GRXCR1: variants seen among roughly 807,000 people sequenced by gnomAD.
GRXCR1 encodes the protein glutaredoxin and cysteine rich domain containing 1.
GRXCR1 carries 27 observed loss-of-function variants against 27.3 expected under a neutral mutation model. That is an observed-to-expected ratio of 0.99 (90% CI 0.73 to 1.37). The LOEUF (loss-of-function observed/expected upper bound fraction) is 1.37, where lower values mean the gene tolerates loss of function less well. Among genes scored for constraint, GRXCR1 ranks in the 40% most tolerant of loss-of-function variants. GRXCR1 has a pLI of 0.00. For synonymous variants in GRXCR1, 122 were observed against 131.1 expected, an observed-to-expected ratio of 0.93 and a Z score of 0.47; for missense variants, 379 against 354.4, an observed-to-expected ratio of 1.07 and a Z score of -0.56.
At chr4:42,978,472 A>G (rs1214542572) in intron 2 of GRXCR1, among the ~76,000 whole-genome samples, 1 of 151,674 alleles carries the variant, frequency 6.6e-6, no homozygotes, top group Non-Finnish European at 1.5e-5. Context: ...GTTTTCTTCA[A>G]TTTCTTTTGT....
chr4:43,002,273 A>G (rs1195099094), intron 2 of GRXCR1, among the ~76,000 whole-genome samples: 3 of 152,298 alleles, frequency 2.0e-5, no homozygotes, highest in African/African-American at 4.8e-5. Context: ...ATTTCAGACT[A>G]TCACATGGGG....
intron 1 of GRXCR1, among the ~76,000 whole-genome samples, chr4:42,902,330 G>A (rs1746479562): frequency 6.6e-6 from 1 of 152,146 alleles, no homozygotes; most frequent in Admixed American, 6.6e-5. Flanking sequence ...TTGTGATGCA[G>A]AACACATCAG....
At chr4:42,986,894 A>C (rs1369103179) in intron 2 of GRXCR1, among the ~76,000 whole-genome samples, 2 of 151,860 alleles carry the variant, frequency 1.3e-5, no homozygotes, top group Admixed American at 6.6e-5. Context: ...GAAGAAGCCA[A>C]ACAGTCACCG....
chr4:42,897,468 G>T (rs1296681573), intron 1 of GRXCR1, among the ~76,000 whole-genome samples: 1 of 151,892 alleles, frequency 6.6e-6, no homozygotes, highest in Non-Finnish European at 1.5e-5. Context: ...CTATAATTTG[G>T]CATTTCCTTT....
chr4:42,897,518 T>C (rs900348175), intron 1 of GRXCR1, among the ~76,000 whole-genome samples: 4 of 152,150 alleles, frequency 2.6e-5, no homozygotes, highest in Non-Finnish European at 5.9e-5. Context: ...CGTCTATGTA[T>C]GTACATGGAT....
intron 2 of GRXCR1, among the ~76,000 whole-genome samples, chr4:42,978,601 T>A (rs1032439514): frequency 6.6e-6 from 1 of 152,102 alleles, no homozygotes; most frequent in Non-Finnish European, 1.5e-5. Context: ...TAAGATAGTT[T>A]AGTGTTAATA....
chr4:43,025,130 A>C (rs1713213110), intron 3 of GRXCR1, among the ~76,000 whole-genome samples: 1 of 152,156 alleles, frequency 6.6e-6, no homozygotes, highest in Non-Finnish European at 1.5e-5. Flanking sequence ...TTGAAACTCA[A>C]ATTTCCTTTG....
At chr4:42,990,636 A>G (rs1711942491) in intron 2 of GRXCR1, among the ~76,000 whole-genome samples, 2 of 151,984 alleles carry the variant, frequency 1.3e-5, no homozygotes, top group Admixed American at 6.6e-5. Flanking sequence ...GATTTTATCA[A>G]TTTCCAAGAA....
At chr4:42,960,060 G>T (rs986276189) in intron 1 of GRXCR1, among the ~76,000 whole-genome samples, 6 of 151,902 alleles carry the variant, frequency 3.9e-5, no homozygotes, top group Admixed American at 1.3e-4. Context: ...TTAGTATTTT[G>T]AAAATGCATG....
chr4:42,919,231 C>A (rs771152576), intron 1 of GRXCR1, among the ~76,000 whole-genome samples: 3 of 152,064 alleles, frequency 2.0e-5, no homozygotes, highest in Non-Finnish European at 4.4e-5. Context: ...GACAGTCATG[C>A]CTTTCAGTTC....
intron 1 of GRXCR1, among the ~76,000 whole-genome samples, chr4:42,912,275 A>C (rs575244777): frequency 1.3e-5 from 2 of 152,214 alleles, no homozygotes; most frequent in African/African-American, 2.4e-5. Flanking sequence ...AAACCACTGC[A>C]TGTTTATTTA....
intron 1 of GRXCR1, among the ~76,000 whole-genome samples, chr4:42,939,267 T>A (rs914154474): frequency 2.0e-5 from 3 of 152,100 alleles, no homozygotes; most frequent in Non-Finnish European, 1.5e-5. Flanking sequence ...TTGTAGCTAT[T>A]GTAAATGATA....
chr4:42,953,989 A>G (rs1747941772), intron 1 of GRXCR1, among the ~76,000 whole-genome samples: 1 of 152,084 alleles, frequency 6.6e-6, no homozygotes, highest in African/African-American at 2.4e-5. Flanking sequence ...TCCGGTTACT[A>G]AGGGGGAAAT....
chr4:42,961,047 G>C (rs1234581283), intron 1 of GRXCR1, among the ~76,000 whole-genome samples: 2 of 151,684 alleles, frequency 1.3e-5, no homozygotes. Flanking sequence ...TCTCTTCCCT[G>C]TGTCCACATC....
chr4:42,927,489 AC>A (rs1334015761), intron 1 of GRXCR1, among the ~76,000 whole-genome samples: 1 of 152,016 alleles, frequency 6.6e-6, no homozygotes, highest in African/African-American at 2.4e-5. Context: ...ACAGATTTTT[AC>A]GAAATGTTTA....
At chr4:43,018,768 A>C (rs1264322573) in intron 2 of GRXCR1, among the ~76,000 whole-genome samples, 1 of 152,208 alleles carries the variant, frequency 6.6e-6, no homozygotes, top group Non-Finnish European at 1.5e-5. Context: ...CTATCTCTTA[A>C]AAGAAATAGA....
In GRXCR1 at chr4:42,962,895, C is replaced by A. The variant is rs772869375; in HGVS notation, c.388C>A (p.Pro130Thr). 3.7e-6 allele frequency: 6 copies of A among 1,612,430 alleles called. No individual in the cohort carries two copies. Among genetic ancestry groups the A allele is most frequent in the Admixed American group, 3.3e-5 (2 of 59,864 alleles). Residue 130 changes from proline (P) to threonine (T), a missense_variant, in exon 2 of 4, where the codon CCA (proline) becomes ACA (threonine). Transcript: ENST00000399770. ...FNNLTKVLQQ[P>T]STDLEFDRVV... ...CAACTCAATGTTTTCCCTTCAGCAA[C>A]CATCAACTGATCTAGAATTTGACCG...
chr4:43,000,278 G>A (rs559567288), intron 2 of GRXCR1, among the ~76,000 whole-genome samples: 14 of 152,128 alleles, frequency 9.2e-5, no homozygotes, highest in Non-Finnish European at 1.5e-4. Flanking sequence ...AGGAGATTGA[G>A]ACCATCCTGG....
intron 1 of GRXCR1, among the ~76,000 whole-genome samples, chr4:42,907,866 G>A (rs902182041): frequency 2.6e-5 from 4 of 152,154 alleles, no homozygotes; most frequent in African/African-American, 9.7e-5. Flanking sequence ...GCCTAACATT[G>A]CAGAGAAAAT....
Sources: allele counts gnomAD v4.1 joint callset (sites outside exome capture counted in the v4.1 genomes callset), GRCh38; gene constraint gnomAD v4.1.1; transcripts MANE v1.5; gene names NCBI Gene and HGNC (gene_info 2026-07-23, HGNC 2026-07-21).